Variants in SLC35D1 observed in about 807,000 individuals in gnomAD.
SLC35D1 encodes nucleotide sugar transporter SLC35D1.
In SLC35D1, 31 loss-of-function variants were observed where a neutral mutation model predicts 46.7. The observed-to-expected ratio is 0.66, with a 90% confidence interval of 0.50 to 0.90. The LOEUF is 0.90. Among genes scored for constraint, SLC35D1 ranks in the 40% least tolerant of loss-of-function variants. The pLI, the probability that SLC35D1 is intolerant of heterozygous loss-of-function variation, is 0.00. For synonymous variants in SLC35D1, 195 were observed against 164.6 expected (o/e 1.18, Z -1.41); for missense variants, 397 against 426.2 (o/e 0.93, Z 0.60).
rs926414847 is a variant in SLC35D1 at position 67,002,764 on chromosome 1, A to T, written c.*1576T>A. ...AAACCCTAACTGTTTAGGTCAACAG[A>T]GTCCAGTGGATTCCAAACCCAATGA... is the stretch of plus-strand genomic sequence containing the variant. On this transcript the variant is annotated 3_prime_UTR_variant, in exon 12 of 12. Coordinates refer to ENST00000235345, the MANE Select transcript of SLC35D1 (RefSeq NM_015139.3). The T allele has an allele frequency of 9.8e-5, 15 of 152,394 alleles. No individual in the cohort carries two copies. Among genetic ancestry groups the T allele is most frequent in the African/African-American group, 3.6e-4 (15 of 41,472 alleles). The allele number at this position is 152,394 out of a possible 1,614,324, so 9.4% of individuals were successfully genotyped here.
At chr1:67,038,867 C>G (rs1461838046) in intron 8 of SLC35D1, among the ~76,000 whole-genome samples, 1 of 122,892 alleles carries the variant, frequency 8.1e-6, no homozygotes, top group African/African-American at 4.2e-5. Flanking sequence ...ACACACACAA[C>G]TAGTTTGGTT....
chr1:67,007,432 G>C (rs1343195382), intron 11 of SLC35D1, among the ~76,000 whole-genome samples: 1 of 151,772 alleles, frequency 6.6e-6, no homozygotes, highest in Non-Finnish European at 1.5e-5. Flanking sequence ...TTTGGGAGTT[G>C]AGAGTTCAAC....
chr1:66,985,583 A>AT, the SLC35D1 span: 1 of 985,318 alleles, frequency 1.0e-6, no homozygotes, highest in Non-Finnish European at 1.2e-6. Context: ...CCTTTGAAAG[A>AT]TTTTTACAGT....
chr1:66,984,801 G>A, the SLC35D1 span: 8 of 1,613,834 alleles, frequency 5.0e-6, no homozygotes, highest in Non-Finnish European at 6.8e-6. Context: ...AAAGGCGAAG[G>A]GTAAACAGCA....
intron 10 of SLC35D1, among the ~76,000 whole-genome samples, chr1:67,015,392 TTC>T (rs138369938): frequency 0.016 from 2,458 of 152,170 alleles, 70 homozygotes; most frequent in African/African-American, 0.057. Flanking sequence ...AAATCGAATT[TTC>T]TCTGTTTTTT....
At chr1:67,053,383 A>G (rs908250462) in intron 1 of SLC35D1, among the ~76,000 whole-genome samples, 2 of 152,030 alleles carry the variant, frequency 1.3e-5, no homozygotes, top group Non-Finnish European at 2.9e-5. Flanking sequence ...ACGTCCCCAG[A>G]GGCTGTCAGC....
intron 4 of SLC35D1, among the ~76,000 whole-genome samples, chr1:67,051,147 G>GA (rs1405521146): frequency 6.6e-6 from 1 of 152,052 alleles, no homozygotes; most frequent in African/African-American, 2.4e-5. Context: ...TAATGAAATG[G>GA]AAAAAAATGT....
At chr1:67,039,256 T>A (rs1044757066) in intron 8 of SLC35D1, among the ~76,000 whole-genome samples, 4 of 152,238 alleles carry the variant, frequency 2.6e-5, no homozygotes, top group Non-Finnish European at 1.5e-5. Flanking sequence ...TTTTCAAATT[T>A]AGGGTTAATC....
chr1:66,999,884 C>G lies in SLC35D1; in HGVS notation c.*4456G>C, dbSNP rs981090690. 1.3e-5 allele frequency: 2 copies of G among 152,180 alleles called. No homozygotes were observed. The highest frequency in any genetic ancestry group is 4.8e-5 in the African/African-American group (2 of 41,426). The allele number at this position is 152,180 out of a possible 1,614,324, so 9.4% of individuals were successfully genotyped here. The stretch of plus-strand genomic sequence containing the variant: ...CAATTCAGAGAGGGGAAAAGGAACG[C>G]TGGCCTTTCCAGGAGCCATCTAAAG... On this transcript the variant is annotated 3_prime_UTR_variant, in exon 12 of 12. Transcript: ENST00000235345.
chr1:66,979,081 G>T, the SLC35D1 span, among the ~76,000 whole-genome samples: 540 of 151,992 alleles, frequency 3.6e-3, 4 homozygotes, highest in African/African-American at 0.012. Flanking sequence ...GGCTTCAGTT[G>T]TAGCCCCACT....
rs1645261948 is a variant in SLC35D1 at position 67,047,254 on chromosome 1, T to C, written c.636+11A>G. ...AGTACACAACTGTTAAAGCTTTAGA[T>C]TGCTACTTACTTTTGAATCTAATTT... On this transcript the variant is annotated intron_variant, in intron 7 of 11. Coordinates refer to ENST00000235345, the MANE Select transcript of SLC35D1 (RefSeq NM_015139.3). The C allele has an allele frequency of 6.2e-7, 1 of 1,603,354 alleles. No homozygotes were observed. Among genetic ancestry groups the C allele is most frequent in the Non-Finnish European group, 8.5e-7 (1 of 1,171,664 alleles).
chr1:67,021,694 AACACAG>A lies in SLC35D1; in HGVS notation c.730-98_730-93del, dbSNP rs66866662. ...TAAATCCTTCTACGAGTCTGCCTCC[AACACAG>A]ACACAGACACAGACACAGACACAGA... On this transcript the variant is annotated intron_variant, in intron 8 of 11. Transcript: ENST00000235345. 0.061 allele frequency: 17,888 copies of A among 293,024 alleles called. 388 individuals are homozygous for A. The highest frequency in any genetic ancestry group is 0.13 in the African/African-American group (5,454 of 43,542). The allele number at this position is 293,024 out of a possible 1,614,324, so 18.2% of individuals were successfully genotyped here. A position where few individuals can be genotyped will look rare whatever the true frequency, so the allele number is the denominator to read the frequency against.
chr1:67,015,643 C>T (rs754862389), intron 10 of SLC35D1, among the ~76,000 whole-genome samples: 35 of 152,166 alleles, frequency 2.3e-4, no homozygotes, highest in Non-Finnish European at 4.7e-4. Context: ...CCTGCCTTGG[C>T]CTCCCAAAGT....
intron 7 of SLC35D1, among the ~76,000 whole-genome samples, chr1:67,044,965 C>T (rs1645236225): frequency 6.6e-6 from 1 of 151,962 alleles, no homozygotes; most frequent in Admixed American, 6.6e-5. Flanking sequence ...TGGGATAAAC[C>T]AAGTAACTGA....
At chr1:66,994,689 A>G (rs1226148829), downstream of SLC35D1, among the ~76,000 whole-genome samples, 1 of 152,052 alleles carries the variant, frequency 6.6e-6, no homozygotes, top group African/African-American at 2.4e-5. Context: ...TAATGGGTGA[A>G]GTCTATTCAG....
chr1:67,007,695 G>A (rs17129595), intron 11 of SLC35D1, among the ~76,000 whole-genome samples: 29,010 of 152,048 alleles, frequency 0.19, 5,076 homozygotes, highest in African/African-American at 0.47. Context: ...GCTTTGGAAA[G>A]GAACTATAAT....
downstream of SLC35D1, among the ~76,000 whole-genome samples, chr1:66,998,943 A>C (rs1019844834): frequency 1.6e-4 from 25 of 152,234 alleles, no homozygotes; most frequent in African/African-American, 6.0e-4. Context: ...ACACTACTAA[A>C]CTGTATGCTT....
At chr1:67,050,263 C>T (rs1385731648) in intron 5 of SLC35D1, among the ~76,000 whole-genome samples, 170 bp downstream of exon 5, 3 of 152,136 alleles carry the variant, frequency 2.0e-5, no homozygotes. Flanking sequence ...AATTCATAAC[C>T]TTCCCAACTA....
At chr1:66,976,579 C>A in the SLC35D1 span, 1 of 1,543,826 alleles carries the variant, frequency 6.5e-7, no homozygotes. Context: ...TAAAAGCAAG[C>A]ATTTGTTTCT....
Sources: gnomAD v4.1 joint callset for allele counts (sites outside exome capture counted in the v4.1 genomes callset) on GRCh38, gnomAD v4.1.1 for gene constraint, MANE v1.5 for transcripts, NCBI Gene and HGNC (gene_info 2026-07-23, HGNC 2026-07-21) for gene names.